The following LIPK variants were observed in gnomAD, a reference collection of about 807,000 sequenced individuals.
LIPK encodes the protein lipase member K.
Under a neutral mutation model 48.6 loss-of-function variants are expected in LIPK, and 32 were observed. The ratio of observed to expected loss-of-function variants is 0.66; its 90% CI spans 0.50 to 0.88. LIPK has a LOEUF of 0.88. LIPK is among the 40% of genes least tolerant of loss of function. The pLI is 0.00. For missense variants in LIPK, 507 were observed against 478.5 expected, an observed-to-expected ratio of 1.06 and a Z score of -0.56; for synonymous variants, 164 against 157.4, an observed-to-expected ratio of 1.04 and a Z score of -0.32.
At chr10:88,729,691 G>T (rs1313319212) in intron 3 of LIPK, among the ~76,000 whole-genome samples, 1 of 152,142 alleles carries the variant, frequency 6.6e-6, no homozygotes, top group African/African-American at 2.4e-5. Flanking sequence ...CTTAACTTTG[G>T]CAGAGTTAGT....
intron 1 of LIPK, among the ~76,000 whole-genome samples, chr10:88,707,545 C>G (rs909646432): frequency 6.6e-6 from 1 of 152,038 alleles, no homozygotes; most frequent in Admixed American, 6.6e-5. Flanking sequence ...GTTTGTTATT[C>G]ATTTTTTTCT....
At position 88,731,094 on chromosome 10, in the gene LIPK, A is replaced by G; in HGVS notation, c.335A>G (p.Asp112Gly). 1 of 1,607,214 alleles carries G rather than the reference A, an allele frequency of 6.2e-7. No homozygotes were observed. Among genetic ancestry groups the G allele is most frequent in the Non-Finnish European group, 8.5e-7 (1 of 1,176,942 alleles). ...TTCCTTCTGGCAGATAGTGGTTATG[A>G]CGTGTGGTTGGGGAACAGCCGAGGA... is the stretch of plus-strand genomic sequence containing the variant. ...LAFLLADSGY[D>G]VWLGNSRGNT... The change falls in exon 4 of 10, where the codon GAC (aspartate) becomes GGC (glycine). Residue 112 changes from aspartate (D) to glycine (G), a missense_variant. Coordinates refer to ENST00000404190, the MANE Select transcript of LIPK (RefSeq NM_001080518.2).
At chr10:88,714,885 C>T (rs960982691) in intron 1 of LIPK, among the ~76,000 whole-genome samples, 1 of 151,744 alleles carries the variant, frequency 6.6e-6, no homozygotes, top group Non-Finnish European at 1.5e-5. Context: ...CTTTATTATT[C>T]CTCTCCTCAT....
At chr10:88,718,248 G>A (rs924333358) in intron 1 of LIPK, among the ~76,000 whole-genome samples, 1 of 148,982 alleles carries the variant, frequency 6.7e-6, no homozygotes, top group Non-Finnish European at 1.5e-5. Flanking sequence ...ATTATACTTG[G>A]CTTCCTTCTA....
intron 1 of LIPK, among the ~76,000 whole-genome samples, chr10:88,722,799 C>T (rs574287889): frequency 6.6e-6 from 1 of 151,756 alleles, no homozygotes; most frequent in African/African-American, 2.4e-5. Flanking sequence ...GGGCAAATTA[C>T]TTGACTTTGT....
In LIPK at chr10:88,743,310, C is replaced by G; in HGVS notation, c.949C>G (p.His317Asp). 6.3e-7 allele frequency: 1 copy of G among 1,589,184 alleles called. No homozygotes were observed. Among genetic ancestry groups the G allele is most frequent in the Non-Finnish European group, 8.6e-7 (1 of 1,165,284 alleles). ...GGGAAACTCTGATCAGAACATGATG[C>G]ACTTCCATCAGGTACAAAAATAATC... Reference protein sequence around the residue: ...DWGNSDQNMMHFHQLTPPLYN... With the variant: ...DWGNSDQNMMDFHQLTPPLYN... The change falls in exon 9 of 10, where the codon CAC becomes GAC. Residue 317 changes from histidine to aspartate, a missense_variant. Transcript: ENST00000404190.
chr10:88,715,055 T>C (rs574673717), intron 1 of LIPK, among the ~76,000 whole-genome samples: 16 of 152,236 alleles, frequency 1.1e-4, no homozygotes, highest in African/African-American at 3.4e-4. Flanking sequence ...TCATGTTTTA[T>C]TATCATTTAG....
intron 9 of LIPK, among the ~76,000 whole-genome samples, chr10:88,744,368 C>CCAT (rs1842733908): frequency 6.6e-6 from 1 of 152,140 alleles, no homozygotes; most frequent in Non-Finnish European, 1.5e-5. Context: ...ACCACCACCA[C>CCAT]GATGAAGTGC....
At chr10:88,722,184 A>G (rs989118801) in intron 1 of LIPK, among the ~76,000 whole-genome samples, 1 of 152,270 alleles carries the variant, frequency 6.6e-6, no homozygotes, top group Admixed American at 6.5e-5. Context: ...AATCCCAGCT[A>G]TTCCGGGGGC....
Position 88,743,317 on chromosome 10 carries a change from A to G in LIPK, c.956A>G (p.His319Arg). 6.3e-7 allele frequency: 1 copy of G among 1,586,190 alleles called. No individual in the cohort carries two copies. The highest frequency in any genetic ancestry group is 8.6e-7 in the Non-Finnish European group (1 of 1,163,496). Reference protein sequence around the residue: ...GNSDQNMMHFHQLTPPLYNIT... With the variant: ...GNSDQNMMHFRQLTPPLYNIT... ...TCTGATCAGAACATGATGCACTTCCATCAGGTACAAAAATAATCCTCATAA... is the reference window on the plus strand; with the variant it reads ...TCTGATCAGAACATGATGCACTTCCGTCAGGTACAAAAATAATCCTCATAA... Residue 319 changes from histidine to arginine, a missense_variant, in exon 9 of 10, where the codon CAT becomes CGT. His to Arg is a conservative substitution (Grantham distance 29). Transcript: ENST00000404190.
intron 3 of LIPK, chr10:88,727,528 C>G (rs1326859535): frequency 6.3e-6 from 1 of 158,914 alleles, no homozygotes. Flanking sequence ...TACCTACCTT[C>G]ACTCCAGCCT....
chr10:88,743,231 C>A lies in LIPK; in HGVS notation c.889-19C>A, dbSNP rs779772771. ...ACACTATTTTCTTATATTATTTTAA[C>A]GTGCTTATTTTATTTTAGGCTGTTA... On this transcript the variant is annotated intron_variant, in intron 8 of 9. Transcript: ENST00000404190. 1.3e-6 allele frequency: 2 copies of A among 1,533,468 alleles called. No individual in the cohort carries two copies. Among genetic ancestry groups the A allele is most frequent in the Non-Finnish European group, 8.9e-7 (1 of 1,125,602 alleles). The allele number at this position is 1,533,468 out of a possible 1,614,324, so 95.0% of individuals were successfully genotyped here. A position where few individuals can be genotyped will look rare whatever the true frequency, so the allele number is the denominator to read the frequency against.
Position 88,737,768 on chromosome 10 carries a change from A to T in LIPK, c.803A>T (p.Gln268Leu). Residue 268 changes from glutamine (Q) to leucine (L), a missense_variant, in exon 7 of 10, where the codon CAA (glutamine) becomes CTA (leucine). Transcript: ENST00000404190. ...TTTACTCTGAGTGGATTTGATCCGC[A>T]AAACTTAAATATGGTAGGTGTAAGT... The part of the protein sequence containing the change: ...FLFTLSGFDP[Q>L]NLNMSRLDVY... 1.2e-6 allele frequency: 2 copies of T among 1,613,810 alleles called. No homozygotes were observed. Among genetic ancestry groups the T allele is most frequent in the South Asian group, 2.2e-5 (2 of 91,056 alleles).
rs1429467026 is a variant in LIPK at position 88,752,527 on chromosome 10, C to A, written c.971C>A (p.Pro324His). 15 of 1,547,000 alleles carry A rather than the reference C, an allele frequency of 9.7e-6. No individual in the cohort carries two copies. The highest frequency in any genetic ancestry group is 1.3e-5 in the Non-Finnish European group (15 of 1,139,906). Reference sequence around the variant, plus strand: ...TTTTATTGTATTTAGCTTACACCTCCTTTATACAACATTACTAAGATGGAA... The same window carrying A: ...TTTTATTGTATTTAGCTTACACCTCATTTATACAACATTACTAAGATGGAA... Reference protein sequence around the residue: ...NMMHFHQLTPPLYNITKMEVP... With the variant: ...NMMHFHQLTPHLYNITKMEVP... The change falls in exon 10 of 10, where the codon CCT (proline) becomes CAT (histidine). Residue 324 changes from proline (P) to histidine (H), a missense_variant. By Grantham distance (77) the Pro-to-His change is moderately conservative. Transcript: ENST00000404190.
Position 88,732,584 on chromosome 10 carries a change from A to G in LIPK, c.669+33A>G, listed in dbSNP as rs780797793. On this transcript the variant is annotated intron_variant, in intron 6 of 9. Transcript: ENST00000404190. ...ACTTCCCAAGTTTTAATCTGAAATA[A>G]CTAAAAGTAGCTCTATTTCCATTGA... The G allele has an allele frequency of 5.1e-6, 8 of 1,572,348 alleles. No homozygotes were observed. The South Asian group carries it at 8.3e-5, about 16-fold the overall frequency.
chr10:88,706,701 C>A (rs746446702), intron 1 of LIPK, among the ~76,000 whole-genome samples: 15 of 152,110 alleles, frequency 9.9e-5, no homozygotes, highest in Non-Finnish European at 2.2e-4. Flanking sequence ...AAACCATTTA[C>A]CATTTTTTAG....
chr10:88,721,683 C>G lies in LIPK; in HGVS notation c.-11-2850C>G, dbSNP rs540903159. Among the ~76,000 whole-genome samples, 33 of 152,300 alleles carry G rather than the reference C, an allele frequency of 2.2e-4. 1 individual carries two copies. Among genetic ancestry groups the G allele is most frequent in the African/African-American group, 7.7e-4 (32 of 41,548 alleles). ...TTCCCCTGCAACATTACAACACCGACAGGATTAGCCATTTCAGAAGAGAGC... is the reference window on the plus strand; with the variant it reads ...TTCCCCTGCAACATTACAACACCGAGAGGATTAGCCATTTCAGAAGAGAGC... On this transcript the variant is annotated intron_variant, in intron 1 of 9. Transcript: ENST00000404190.
intron 3 of LIPK, among the ~76,000 whole-genome samples, chr10:88,729,681 C>T (rs1445267492): frequency 2.6e-5 from 4 of 152,220 alleles, no homozygotes; most frequent in African/African-American, 9.6e-5. Flanking sequence ...TTTAATGGTA[C>T]TTAACTTTGG....
intron 1 of LIPK, among the ~76,000 whole-genome samples, chr10:88,717,978 G>A (rs1187098090): frequency 1.3e-5 from 2 of 151,432 alleles, no homozygotes; most frequent in South Asian, 2.1e-4. Flanking sequence ...CTCTCTTGGG[G>A]CAGGAAAGAG....
Sources: gnomAD v4.1 joint callset for allele counts (sites outside exome capture counted in the v4.1 genomes callset) on GRCh38, gnomAD v4.1.1 for gene constraint, MANE v1.5 for transcripts, NCBI Gene and HGNC (gene_info 2026-07-23, HGNC 2026-07-21) for gene names.